Variants in LPAR1 observed in about 807,000 individuals in gnomAD.
LPAR1 encodes lysophosphatidic acid receptor 1.
In LPAR1, 5 loss-of-function variants were observed where a neutral mutation model predicts 23.8. The observed-to-expected ratio is 0.21, with a 90% CI of 0.11 to 0.44. LPAR1 has a LOEUF of 0.44. LPAR1 is among the 20% of genes least tolerant of loss of function. The pLI is 0.99. For missense variants in LPAR1, 311 were observed against 482.8 expected, an observed-to-expected ratio of 0.64 and a Z score of 3.33; for synonymous variants, 160 against 164.7, an observed-to-expected ratio of 0.97 and a Z score of 0.22.
chr9:110,978,366 G>A (rs1443202286), intron 2 of LPAR1, among the ~76,000 whole-genome samples: 2 of 152,152 alleles, frequency 1.3e-5, no homozygotes, highest in Non-Finnish European at 2.9e-5. Context: ...GAAGCTACGT[G>A]GGTAAAGATT....
chr9:110,925,223 G>C (rs970827571), intron 5 of LPAR1, among the ~76,000 whole-genome samples: 1 of 150,408 alleles, frequency 6.6e-6, no homozygotes, highest in African/African-American at 2.4e-5. Context: ...TTTGGATATA[G>C]ATATAGATAT....
chr9:110,919,842 T>C (rs1037113517), intron 5 of LPAR1, among the ~76,000 whole-genome samples: 1 of 152,154 alleles, frequency 6.6e-6, no homozygotes, highest in African/African-American at 2.4e-5. Flanking sequence ...ACTTCCACAA[T>C]TTTCTAATCA....
Position 110,875,276 on chromosome 9 carries a change from G to T in LPAR1, c.*145C>A. On this transcript the variant is annotated 3_prime_UTR_variant, in exon 6 of 6. Transcript: ENST00000683809. ...ATATATCAAGTCTTGTGGGGTCCAG[G>T]AACAAATACTGTCATTGGTTAGTGT... 1.6e-6 allele frequency: 1 copy of T among 641,468 alleles called. No homozygotes were observed. Among genetic ancestry groups the T allele is most frequent in the Non-Finnish European group, 2.6e-6 (1 of 379,054 alleles). 39.7% of individuals were successfully genotyped at this position (641,468 alleles called of 1,614,324 possible).
intron 2 of LPAR1, among the ~76,000 whole-genome samples, chr9:110,977,714 A>C (rs1322734584): frequency 1.4e-5 from 1 of 69,578 alleles, no homozygotes; most frequent in Non-Finnish European, 3.2e-5. Flanking sequence ...TGGCACATGT[A>C]TACCTATGTA....
At chr9:111,035,889 T>C (rs1335305678) in intron 2 of LPAR1, among the ~76,000 whole-genome samples, 3 of 152,222 alleles carry the variant, frequency 2.0e-5, no homozygotes, top group African/African-American at 4.8e-5. Context: ...GAAATGATTC[T>C]TGGCCCTAAA....
chr9:110,955,192 C>T (rs2095696875), intron 4 of LPAR1, among the ~76,000 whole-genome samples: 1 of 152,162 alleles, frequency 6.6e-6, no homozygotes, highest in Admixed American at 6.6e-5. Flanking sequence ...CCACAAGAAA[C>T]TCATCTCATC....
chr9:111,029,986 C>T lies in LPAR1; in HGVS notation c.-182+6136G>A, dbSNP rs368957703. Among the ~76,000 whole-genome samples the T allele has an allele frequency of 1.6e-3, 217 of 137,680 alleles. 1 individual carries two copies. The highest frequency in any genetic ancestry group is 2.6e-3 in the Non-Finnish European group (170 of 66,522). The allele number at this position is 137,680 out of a possible 152,430, so 90.3% of individuals were successfully genotyped here. Reference sequence around the variant, plus strand: ...AAGAGAATTGCTTGAACCCAGGAGGCAGTGAGCCAAGATCGTGCCATTGCA... The same window carrying T: ...AAGAGAATTGCTTGAACCCAGGAGGTAGTGAGCCAAGATCGTGCCATTGCA... On this transcript the variant is annotated intron_variant, in intron 2 of 5. Coordinates refer to ENST00000683809, the MANE Select transcript of LPAR1 (RefSeq NM_001351411.2).
At chr9:110,991,116 C>A (rs1051603764) in intron 2 of LPAR1, among the ~76,000 whole-genome samples, 1 of 152,102 alleles carries the variant, frequency 6.6e-6, no homozygotes, top group African/African-American at 2.4e-5. Flanking sequence ...AAACTTAGAA[C>A]CATAAAACTT....
At chr9:110,936,773 A>T (rs770924891) in intron 5 of LPAR1, among the ~76,000 whole-genome samples, 11 of 152,142 alleles carry the variant, frequency 7.2e-5, no homozygotes, top group Non-Finnish European at 1.6e-4. Flanking sequence ...AGATGTAAAA[A>T]CTTCACATCT....
chr9:111,005,694 C>T (rs572531010), intron 2 of LPAR1, among the ~76,000 whole-genome samples: 1 of 151,524 alleles, frequency 6.6e-6, no homozygotes, highest in Admixed American at 6.6e-5. Context: ...ACCAACAAAA[C>T]TACCTGGAGT....
rs1373148237 is a variant in LPAR1 at position 110,873,986 on chromosome 9, C to T, written c.*1435G>A. ...AAAAAGTCACTCTCAACTGAAGTGA[C>T]CACTGCATTTCTTTTGTAAAAAGGT... On this transcript the variant is annotated 3_prime_UTR_variant, in exon 6 of 6. Transcript: ENST00000683809. 6.6e-6 allele frequency: 1 copy of T among 152,606 alleles called. No homozygotes were observed. The highest frequency in any genetic ancestry group is 1.5e-5 in the Non-Finnish European group (1 of 68,042). 9.5% of individuals were successfully genotyped at this position (152,606 alleles called of 1,614,324 possible). A position where few individuals can be genotyped will look rare whatever the true frequency, so the allele number is the denominator to read the frequency against.
chr9:111,030,593 G>A (rs73657232), intron 2 of LPAR1, among the ~76,000 whole-genome samples: 6,511 of 152,212 alleles, frequency 0.043, 206 homozygotes, highest in African/African-American at 0.087. Context: ...TGCCAAACAC[G>A]TGCTCCAAAA....
chr9:110,977,395 G>A (rs973714773), intron 2 of LPAR1, among the ~76,000 whole-genome samples: 3 of 152,158 alleles, frequency 2.0e-5, no homozygotes, highest in Non-Finnish European at 4.4e-5. Flanking sequence ...CCTGGCAAGG[G>A]CAGCCATGCC....
chr9:111,027,306 A>T (rs1753255697), intron 2 of LPAR1, among the ~76,000 whole-genome samples: 1 of 152,164 alleles, frequency 6.6e-6, no homozygotes, highest in Non-Finnish European at 1.5e-5. Flanking sequence ...TGGGTAATAA[A>T]GCAAGACCCT....
chr9:111,022,470 G>A (rs1293829789), intron 2 of LPAR1, among the ~76,000 whole-genome samples: 1 of 151,810 alleles, frequency 6.6e-6, no homozygotes, highest in East Asian at 1.9e-4. Context: ...AGGGTGGGGG[G>A]AATGAACACT....
intron 5 of LPAR1, among the ~76,000 whole-genome samples, chr9:110,900,046 C>T (rs913831692): frequency 6.6e-6 from 1 of 152,200 alleles, no homozygotes; most frequent in Non-Finnish European, 1.5e-5. Flanking sequence ...AAATAACTCA[C>T]TTATTTGTAT....
chr9:110,990,878 A>T (rs1432319497), intron 2 of LPAR1, among the ~76,000 whole-genome samples: 5 of 152,134 alleles, frequency 3.3e-5, no homozygotes, highest in Admixed American at 6.5e-5. Flanking sequence ...ATAAAATTGA[A>T]AGAGGGGTCA....
chr9:110,896,468 T>C (rs2086376180), intron 5 of LPAR1, among the ~76,000 whole-genome samples: 1 of 152,240 alleles, frequency 6.6e-6, no homozygotes, highest in Non-Finnish European at 1.5e-5. Context: ...TTTATTTGCT[T>C]AGTCTGATTG....
chr9:110,911,886 C>T (rs1309724244), intron 5 of LPAR1, among the ~76,000 whole-genome samples: 1 of 152,178 alleles, frequency 6.6e-6, no homozygotes, highest in Non-Finnish European at 1.5e-5. Flanking sequence ...TCCCATATGC[C>T]TATTTCCCAA....
Sources: gnomAD v4.1 joint callset for allele counts (sites outside exome capture counted in the v4.1 genomes callset) on GRCh38, gnomAD v4.1.1 for gene constraint, MANE v1.5 for transcripts, NCBI Gene and HGNC (gene_info 2026-07-23, HGNC 2026-07-21) for gene names.